Variants in LHPP observed in about 807,000 individuals in gnomAD.
The protein encoded by LHPP is hLHPP.
In LHPP, 24 loss-of-function variants were observed where a neutral mutation model predicts 30.3. The observed-to-expected ratio is 0.79, with a 90% CI of 0.57 to 1.11. LHPP has a LOEUF of 1.11. Among genes scored for constraint, LHPP ranks in the 50% most tolerant of loss-of-function variants. The pLI, the probability that LHPP is intolerant of heterozygous loss-of-function variation, is 0.00. For missense variants in LHPP, 356 were observed against 367.2 expected (o/e 0.97, Z 0.25); for synonymous variants, 150 against 157.1 (o/e 0.95, Z 0.34).
chr10:124,535,004 C>T (rs1564815861), intron 6 of LHPP, among the ~76,000 whole-genome samples: 3 of 152,212 alleles, frequency 2.0e-5, no homozygotes, highest in Non-Finnish European at 2.9e-5. Flanking sequence ...AGCACGCAGG[C>T]ACCCGGGCTG....
In LHPP at chr10:124,495,243, G is replaced by A. The variant is rs564096636; in HGVS notation, c.468-1718G>A. ...CCCAGCCAGCCTGTATCCCTGTGCC[G>A]TGACCCCAGAGCACAGAGCCTCAGA... On this transcript the variant is annotated intron_variant, in intron 3 of 6. Coordinates refer to ENST00000368842, the MANE Select transcript of LHPP (RefSeq NM_022126.4). 5.3e-5 allele frequency among the ~76,000 whole-genome samples: 8 copies of A among 150,384 alleles called. No individual in the cohort carries two copies. The South Asian group carries it at 1.0e-3, about 20-fold the overall frequency.
At chr10:124,490,908 C>G (rs1195026383) in intron 3 of LHPP, among the ~76,000 whole-genome samples, 1 of 151,134 alleles carries the variant, frequency 6.6e-6, no homozygotes, top group Non-Finnish European at 1.5e-5. Flanking sequence ...GGGTTCTGCA[C>G]AGCTAGAATT....
rs1002378620 is a variant in LHPP, at chr10:124,576,071, G to A, written c.717-37193G>A. ...AATGGGGGTTCCCACTGGATTGGTC[G>A]TTTCTGCATTGTCCGGAGCTCTCAG... On this transcript the variant is annotated intron_variant, in intron 6 of 6. Transcript: ENST00000368842. This position sits in a 1 kb window ranked among gnomAD's most constrained non-coding sequence, Gnocchi z 4.2. Among the ~76,000 whole-genome samples, 1 of 152,140 alleles carries A rather than the reference G, an allele frequency of 6.6e-6. No individual in the cohort carries two copies. The highest frequency in any genetic ancestry group is 1.5e-5 in the Non-Finnish European group (1 of 68,022).
At chr10:124,484,409 C>A in intron 2 of LHPP, 83 bp downstream of exon 2, 1 of 1,330,210 alleles carries the variant, frequency 7.5e-7, no homozygotes, top group African/African-American at 1.5e-5. Context: ...GCCTCTTTCA[C>A]TGGGCCAAAC....
intron 6 of LHPP, among the ~76,000 whole-genome samples, chr10:124,572,478 A>G (rs1413973336): frequency 6.6e-6 from 1 of 151,940 alleles, no homozygotes; most frequent in African/African-American, 2.4e-5. Flanking sequence ...TAAAGATACA[A>G]ACATTAGCTG....
chr10:124,484,670 C>CAGAGAGAG lies in LHPP; in HGVS notation c.313+364_313+371dup, dbSNP rs5788664. Among the ~76,000 whole-genome samples the CAGAGAGAG allele has an allele frequency of 6.2e-4, 89 of 144,270 alleles. 1 individual carries two copies. Among genetic ancestry groups the CAGAGAGAG allele is most frequent in the African/African-American group, 1.9e-3 (72 of 38,708 alleles). The allele number at this position is 144,270 out of a possible 152,430, so 94.6% of individuals were successfully genotyped here. On this transcript the variant is annotated intron_variant, in intron 2 of 6. Coordinates refer to ENST00000368842, the MANE Select transcript of LHPP (RefSeq NM_022126.4). ...GTTCTAGCTCCTGTTGAGAAAGAGA[C>CAGAGAGAG]AGAGAGAGAGAGAGAGAGAGAGAGA...
chr10:124,609,048 G>A (rs960823943), intron 6 of LHPP, among the ~76,000 whole-genome samples: 2 of 152,210 alleles, frequency 1.3e-5, no homozygotes, highest in Non-Finnish European at 2.9e-5. Context: ...GAGCCCTGGG[G>A]GACGGTGGAC....
chr10:124,571,961 G>C (rs1055537688), intron 6 of LHPP, among the ~76,000 whole-genome samples: 5 of 152,166 alleles, frequency 3.3e-5, no homozygotes, highest in African/African-American at 1.2e-4. Flanking sequence ...TGAGGGGTTG[G>C]GGAAGGGAGA....
Position 124,510,169 on chromosome 10 carries a change from G to A in LHPP, c.625-7011G>A, listed in dbSNP as rs555089560. Among the ~76,000 whole-genome samples the A allele has an allele frequency of 1.3e-5, 2 of 152,290 alleles. No homozygotes were observed. Among genetic ancestry groups the A allele is most frequent in the South Asian group, 4.1e-4 (2 of 4,830 alleles). ...GAAGCGAAGCCCAGCCCTGGCAGGTGGAGTATTTTTATTTCCCCTGACAGC... is the reference window on the plus strand; with the variant it reads ...GAAGCGAAGCCCAGCCCTGGCAGGTAGAGTATTTTTATTTCCCCTGACAGC... On this transcript the variant is annotated intron_variant, in intron 5 of 6. Coordinates refer to ENST00000368842, the MANE Select transcript of LHPP (RefSeq NM_022126.4). The surrounding 1 kb of genome is among the most constrained non-coding windows in gnomAD (Gnocchi z 4.0).
At chr10:124,612,132 G>A (rs940962832) in intron 6 of LHPP, among the ~76,000 whole-genome samples, 8 of 152,180 alleles carry the variant, frequency 5.3e-5, no homozygotes, top group South Asian at 2.1e-4. Context: ...GGCCGGGCAC[G>A]GTGGCTCACT....
At chr10:124,554,218 C>A in intron 6 of LHPP, 1 of 294,528 alleles carries the variant, frequency 3.4e-6, no homozygotes, top group Non-Finnish European at 5.0e-6. Flanking sequence ...CAGGGTCTTG[C>A]TCTGTCACCT....
chr10:124,489,662 C>T (rs2133858962), intron 3 of LHPP, among the ~76,000 whole-genome samples: 1 of 152,268 alleles, frequency 6.6e-6, no homozygotes, highest in African/African-American at 2.4e-5. Context: ...CCATGTTGGC[C>T]AGGATGGTCT....
At chr10:124,609,851 T>C (rs1949145571) in intron 6 of LHPP, among the ~76,000 whole-genome samples, 1 of 152,226 alleles carries the variant, frequency 6.6e-6, no homozygotes, top group South Asian at 2.1e-4. Flanking sequence ...TGTGGAGTAT[T>C]CCAGTGTGCA....
intron 5 of LHPP, among the ~76,000 whole-genome samples, chr10:124,515,393 A>T (rs1954425158): frequency 6.6e-6 from 1 of 152,166 alleles, no homozygotes; most frequent in African/African-American, 2.4e-5. Context: ...AACACATGAA[A>T]TACCATTACA....
chr10:124,473,194 A>G (rs771387515), intron 1 of LHPP, among the ~76,000 whole-genome samples: 1 of 152,246 alleles, frequency 6.6e-6, no homozygotes, highest in Non-Finnish European at 1.5e-5. Context: ...TACAAAGCTC[A>G]TGAATGGAGT....
chr10:124,511,884 GTGTGGTAGC>G (rs1224719215), intron 5 of LHPP, among the ~76,000 whole-genome samples: 2 of 152,124 alleles, frequency 1.3e-5, no homozygotes, highest in Non-Finnish European at 2.9e-5. Context: ...TAGTGAACAC[GTGTGGTAGC>G]CCCTGCTGGG....
intron 3 of LHPP, among the ~76,000 whole-genome samples, chr10:124,489,557 C>A (rs574644356): frequency 6.6e-6 from 1 of 152,136 alleles, no homozygotes; most frequent in South Asian, 2.1e-4. Context: ...CGGGTTCAAG[C>A]GATTCTCCTG....
Position 124,613,698 on chromosome 10 carries a change from T to A in LHPP, c.*338T>A, listed in dbSNP as rs577786236. The A allele has an allele frequency of 7.7e-4, 310 of 400,586 alleles. 3 individuals carry two copies. Among genetic ancestry groups the A allele is most frequent in the Non-Finnish European group, 1.1e-3 (241 of 214,944 alleles). The allele number at this position is 400,586 out of a possible 1,614,324, so 24.8% of individuals were successfully genotyped here. On this transcript the variant is annotated 3_prime_UTR_variant, in exon 7 of 7. Coordinates refer to ENST00000368842, the MANE Select transcript of LHPP (RefSeq NM_022126.4). ...CTGGGAATCTCCCAAATCCCAGAAC[T>A]CACCACTCACCATGGGCCTTTAAAT... is the stretch of plus-strand genomic sequence containing the variant.
At chr10:124,521,731 A>G (rs956283705) in intron 6 of LHPP, among the ~76,000 whole-genome samples, 2 of 152,328 alleles carry the variant, frequency 1.3e-5, no homozygotes, top group African/African-American at 4.8e-5. Context: ...GGCAGCGGTC[A>G]GTCCTGCCAG....
Sources: allele counts gnomAD v4.1 joint callset (sites outside exome capture counted in the v4.1 genomes callset), GRCh38; gene constraint gnomAD v4.1.1; non-coding constraint Gnocchi (gnomAD v3.1); transcripts MANE v1.5; gene names NCBI Gene and HGNC (gene_info 2026-07-23, HGNC 2026-07-21).